FSTL5: variants seen among roughly 807,000 people sequenced by gnomAD.
FSTL5 encodes follistatin like 5, also known as follistatin-related protein 5.
FSTL5 carries 62 observed loss-of-function variants against 89.1 expected under a neutral mutation model. The ratio of observed to expected loss-of-function variants is 0.70; its 90% CI spans 0.57 to 0.86. The LOEUF (loss-of-function observed/expected upper bound fraction) is 0.86. Ranked by LOEUF, FSTL5 falls within the 40% of genes least tolerant of loss-of-function variation. The pLI is 0.00. For missense variants in FSTL5, 1,057 were observed against 1,001.6 expected, an observed-to-expected ratio of 1.06 and a Z score of -0.75; for synonymous variants, 383 against 346.2, an observed-to-expected ratio of 1.11 and a Z score of -1.18.
rs796909244 is a variant in FSTL5, at chr4:161,977,612, CAAAAAAAAAA to C, written c.160+56003_160+56012del. 9.6e-4 allele frequency among the ~76,000 whole-genome samples: 91 copies of C among 95,138 alleles called. No individual in the cohort carries two copies. In the East Asian group the frequency reaches 0.011, roughly 12 times the overall value. The allele number at this position is 95,138 out of a possible 152,430, so 62.4% of individuals were successfully genotyped here. A position where few individuals can be genotyped will look rare whatever the true frequency, so the allele number is the denominator to read the frequency against. On this transcript the variant is annotated intron_variant, in intron 3 of 15. Transcript: ENST00000306100. ...TGGGCGACACAGCGAGACTCCGTGTCAAAAAAAAAAAAAAAAAAAAAAAAAAAAATAATAA... is the reference window on the plus strand; with the variant it reads ...TGGGCGACACAGCGAGACTCCGTGTCAAAAAAAAAAAAAAAAAAATAATAA...
At chr4:161,602,456 C>A (rs1329963927) in intron 7 of FSTL5, among the ~76,000 whole-genome samples, 1 of 151,698 alleles carries the variant, frequency 6.6e-6, no homozygotes, top group African/African-American at 2.4e-5. Flanking sequence ...AGAAATCAGT[C>A]AATATCAGTC....
intron 15 of FSTL5, chr4:161,387,654 A>C (rs924385588): frequency 2.6e-5 from 4 of 152,048 alleles, no homozygotes; most frequent in Admixed American, 2.0e-4. Flanking sequence ...ATAAATAAAC[A>C]TATATTAAAT....
intron 6 of FSTL5, among the ~76,000 whole-genome samples, chr4:161,679,172 AG>A: frequency 1.3e-5 from 2 of 151,822 alleles, no homozygotes; most frequent in East Asian, 3.9e-4. Flanking sequence ...GAAAACTTAT[AG>A]GATAAAACTT....
At chr4:161,641,339 T>C (rs1346194003) in intron 7 of FSTL5, among the ~76,000 whole-genome samples, 2 of 152,198 alleles carry the variant, frequency 1.3e-5, no homozygotes, top group Non-Finnish European at 2.9e-5. Flanking sequence ...TTACGGAAAC[T>C]ACTTCATTTG....
intron 4 of FSTL5, among the ~76,000 whole-genome samples, chr4:161,873,037 G>A (rs1008463705): frequency 6.6e-6 from 1 of 152,110 alleles, no homozygotes; most frequent in African/African-American, 2.4e-5. Flanking sequence ...GAAAAAAGTT[G>A]GGGCTAGAGA....
chr4:162,057,929 G>T (rs968425460), intron 2 of FSTL5, among the ~76,000 whole-genome samples: 1 of 152,128 alleles, frequency 6.6e-6, no homozygotes, highest in Non-Finnish European at 1.5e-5. Flanking sequence ...GGGTAAGAGA[G>T]TGAGACTCCA....
intron 2 of FSTL5, among the ~76,000 whole-genome samples, chr4:162,045,352 A>C (rs1214369257): frequency 6.6e-6 from 1 of 152,070 alleles, no homozygotes; most frequent in African/African-American, 2.4e-5. Flanking sequence ...TTACAGATTA[A>C]TTTCAATATA....
At chr4:162,141,317 A>G (rs4302429) in intron 1 of FSTL5, among the ~76,000 whole-genome samples, 87,989 of 89,088 alleles carry the variant, frequency 0.99, 43,584 homozygotes, top group Middle Eastern at 1. Flanking sequence ...GGGTTTCACC[A>G]TGTTAGCCAG....
intron 3 of FSTL5, among the ~76,000 whole-genome samples, chr4:162,028,153 T>A (rs1261169242): frequency 6.6e-6 from 1 of 152,234 alleles, no homozygotes; most frequent in East Asian, 1.9e-4. Context: ...TCTCGTCTTC[T>A]AGGTACTTGA....
chr4:161,419,578 G>T (rs1009736343), intron 15 of FSTL5, among the ~76,000 whole-genome samples: 1 of 152,164 alleles, frequency 6.6e-6, no homozygotes, highest in African/African-American at 2.4e-5. Flanking sequence ...CAACCCCCTT[G>T]TTCTGAGAAT....
chr4:161,995,508 G>A (rs1454261986), intron 3 of FSTL5, among the ~76,000 whole-genome samples: 1 of 151,964 alleles, frequency 6.6e-6, no homozygotes, highest in Non-Finnish European at 1.5e-5. Flanking sequence ...ATGCCCTTTA[G>A]GTACACAAAG....
At chr4:161,447,800 G>C (rs1291190353) in intron 15 of FSTL5, among the ~76,000 whole-genome samples, 9 of 152,056 alleles carry the variant, frequency 5.9e-5, no homozygotes, top group Admixed American at 5.9e-4. Flanking sequence ...ATGAAGCTTT[G>C]CACCCATGTA....
At chr4:161,588,798 A>T (rs567651429) in intron 7 of FSTL5, among the ~76,000 whole-genome samples, 1 of 152,298 alleles carries the variant, frequency 6.6e-6, no homozygotes, top group East Asian at 1.9e-4. Context: ...AAACTATGCC[A>T]GCTATGAAAA....
intron 7 of FSTL5, among the ~76,000 whole-genome samples, chr4:161,610,547 C>T (rs1734597656): frequency 6.6e-6 from 1 of 152,044 alleles, no homozygotes; most frequent in African/African-American, 2.4e-5. Flanking sequence ...ATATATAAAA[C>T]CCAGGTTTCT....
chr4:161,685,213 C>T (rs897141415), intron 6 of FSTL5, among the ~76,000 whole-genome samples: 2 of 151,928 alleles, frequency 1.3e-5, no homozygotes, highest in Non-Finnish European at 2.9e-5. Flanking sequence ...TTTGTTTAGT[C>T]TTGCTTTGTT....
In FSTL5 at chr4:162,004,966, G is replaced by A. The variant is rs569596697; in HGVS notation, c.160+28659C>T. Among the ~76,000 whole-genome samples the A allele has an allele frequency of 2.0e-5, 3 of 152,140 alleles. No homozygotes were observed. In the South Asian group the frequency reaches 6.2e-4, roughly 32 times the overall value. On this transcript the variant is annotated intron_variant, in intron 3 of 15. Transcript: ENST00000306100. ...GTTTTTCAAACCACGCTTCACACTC[G>A]ATTGAAGTGTCAGTTATGTGTTTTG...
intron 4 of FSTL5, among the ~76,000 whole-genome samples, chr4:161,794,878 G>A (rs7676997): frequency 0.73 from 111,575 of 151,938 alleles, 41,020 homozygotes; most frequent in Non-Finnish European, 0.76. Context: ...CTCATCATAT[G>A]TCATCTATTT....
chr4:161,397,143 C>T (rs1369292041), intron 15 of FSTL5, among the ~76,000 whole-genome samples: 1 of 152,020 alleles, frequency 6.6e-6, no homozygotes, highest in Non-Finnish European at 1.5e-5. Flanking sequence ...ACCCATGCAA[C>T]AAATTTTGTT....
intron 8 of FSTL5, among the ~76,000 whole-genome samples, chr4:161,583,724 A>G (rs1733511634): frequency 6.6e-6 from 1 of 152,210 alleles, no homozygotes; most frequent in Admixed American, 6.5e-5. Context: ...AGTGGTCCAC[A>G]GAGTCCTTTA....
Sources: allele counts gnomAD v4.1 joint callset (sites outside exome capture counted in the v4.1 genomes callset), GRCh38; gene constraint gnomAD v4.1.1; transcripts MANE v1.5; gene names NCBI Gene and HGNC (gene_info 2026-07-23, HGNC 2026-07-21).